CSMD1: variants seen among roughly 807,000 people sequenced by gnomAD.
CSMD1 encodes the protein CUB and sushi domain-containing protein 1.
CSMD1 carries 213 observed loss-of-function variants against 417.5 expected under a neutral mutation model. The observed-to-expected ratio is 0.51, with a 90% CI of 0.46 to 0.57. The LOEUF (loss-of-function observed/expected upper bound fraction) is 0.57. Ranked by LOEUF, CSMD1 falls within the 20% of genes least tolerant of loss-of-function variation. The pLI is 0.00. For synonymous variants in CSMD1, 2,862 were observed against 1,736.8 expected, an observed-to-expected ratio of 1.65 and a Z score of -16.11; for missense variants, 6,923 against 4,529.7, an observed-to-expected ratio of 1.53 and a Z score of -15.17.
intron 3 of CSMD1, among the ~76,000 whole-genome samples, chr8:4,152,231 T>C (rs1796605390): frequency 6.6e-6 from 1 of 152,188 alleles, no homozygotes; most frequent in Admixed American, 6.5e-5. Flanking sequence ...TTCAACATTA[T>C]TCCCACTTTC....
At chr8:3,617,301 A>T (rs1315369428) in intron 7 of CSMD1, among the ~76,000 whole-genome samples, 1 of 152,228 alleles carries the variant, frequency 6.6e-6, no homozygotes, top group Non-Finnish European at 1.5e-5. Flanking sequence ...TTCTTTGTTC[A>T]AATGCACTGA....
chr8:4,278,059 C>G (rs1796583601), intron 3 of CSMD1, among the ~76,000 whole-genome samples: 1 of 152,144 alleles, frequency 6.6e-6, no homozygotes, highest in Non-Finnish European at 1.5e-5. Context: ...CTTTCCCTAA[C>G]TTTAAATACA....
intron 18 of CSMD1, chr8:3,373,352 A>G (rs1252695646): frequency 2.6e-5 from 4 of 152,270 alleles, no homozygotes; most frequent in Non-Finnish European, 2.9e-5. Flanking sequence ...ATCAGGAGAA[A>G]GTCAGACAGA....
At chr8:4,019,344 G>T (rs188416249) in intron 4 of CSMD1, among the ~76,000 whole-genome samples, 4 of 152,272 alleles carry the variant, frequency 2.6e-5, no homozygotes, top group African/African-American at 7.2e-5. Flanking sequence ...ATCTGGGAGG[G>T]AGAGTTTTGT....
At chr8:3,086,439 C>G (rs1201223892) in intron 49 of CSMD1, among the ~76,000 whole-genome samples, 2 of 151,908 alleles carry the variant, frequency 1.3e-5, no homozygotes, top group East Asian at 3.8e-4. Context: ...ATGAAACTGA[C>G]AAAAAAGAGA....
At chr8:4,096,594 G>A (rs1030203430) in intron 3 of CSMD1, among the ~76,000 whole-genome samples, 16 of 152,114 alleles carry the variant, frequency 1.1e-4, no homozygotes, top group Non-Finnish European at 1.6e-4. Flanking sequence ...TCTTAAGTTT[G>A]TATTGTGTAA....
chr8:4,335,270 C>G (rs1007067295), intron 3 of CSMD1, among the ~76,000 whole-genome samples: 1 of 152,028 alleles, frequency 6.6e-6, no homozygotes, highest in Non-Finnish European at 1.5e-5. Flanking sequence ...CTAACCACCT[C>G]CCAAATGCCC....
intron 7 of CSMD1, among the ~76,000 whole-genome samples, chr8:3,621,816 C>A (rs776761115): frequency 1.3e-5 from 2 of 151,262 alleles, no homozygotes; most frequent in Middle Eastern, 3.4e-3. Context: ...ACCATATTGC[C>A]CAGGCTGGTC....
chr8:4,182,005 C>T (rs941857892), intron 3 of CSMD1, among the ~76,000 whole-genome samples: 4 of 147,330 alleles, frequency 2.7e-5, no homozygotes, highest in Non-Finnish European at 6.0e-5. Context: ...TTTTTAAGTA[C>T]ACAGAAACTC....
intron 19 of CSMD1, among the ~76,000 whole-genome samples, 187 bp downstream of exon 19, chr8:3,369,067 T>C (rs1809783805): frequency 6.6e-6 from 1 of 152,168 alleles, no homozygotes; most frequent in Admixed American, 6.5e-5. Flanking sequence ...CGGGGAATGG[T>C]TTTTATTGTA....
intron 3 of CSMD1, among the ~76,000 whole-genome samples, chr8:4,401,724 C>T (rs537871085): frequency 1.3e-5 from 2 of 152,238 alleles, no homozygotes; most frequent in East Asian, 1.9e-4. Flanking sequence ...TGAGAATTCC[C>T]TTAACATTCC....
intron 7 of CSMD1, 26 bp downstream of exon 7, chr8:3,708,388 C>A (rs1563294948): frequency 6.2e-7 from 1 of 1,602,208 alleles, no homozygotes. Context: ...CGTATCAATC[C>A]TCAGATAGAA....
At chr8:4,449,987 C>T (rs78446409) in intron 2 of CSMD1, among the ~76,000 whole-genome samples, 5,901 of 152,266 alleles carry the variant, frequency 0.039, 170 homozygotes, top group East Asian at 0.097. Context: ...CTTTCACTGG[C>T]CCTGTCCTAG....
chr8:3,774,476 G>A (rs986344944), intron 5 of CSMD1, among the ~76,000 whole-genome samples: 1 of 152,132 alleles, frequency 6.6e-6, no homozygotes, highest in Admixed American at 6.5e-5. Flanking sequence ...CTGGCTCATA[G>A]GACAGAGAGA....
intron 5 of CSMD1, among the ~76,000 whole-genome samples, chr8:3,899,320 C>A (rs1220962884): frequency 6.6e-6 from 1 of 152,186 alleles, no homozygotes; most frequent in Non-Finnish European, 1.5e-5. Flanking sequence ...AAAAGAGGTG[C>A]TACTTCAGAG....
At chr8:3,589,945 C>G (rs1424736763) in intron 8 of CSMD1, among the ~76,000 whole-genome samples, 2 of 99,510 alleles carry the variant, frequency 2.0e-5, no homozygotes, top group Admixed American at 2.3e-4. Context: ...TGTTTATCAT[C>G]CAAAATATAG....
intron 12 of CSMD1, among the ~76,000 whole-genome samples, chr8:3,426,284 C>G (rs1410448912): frequency 1.3e-5 from 2 of 152,166 alleles, no homozygotes. Flanking sequence ...TAAATTATTT[C>G]TTGATCATCA....
In CSMD1 at chr8:4,201,461, A is replaced by C. The variant is rs542631129; in HGVS notation, c.416-169362T>G. Among the ~76,000 whole-genome samples the C allele has an allele frequency of 9.4e-5, 13 of 137,576 alleles. 1 individual carries two copies. Among genetic ancestry groups the C allele is most frequent in the African/African-American group, 1.8e-4 (7 of 37,868 alleles). 90.3% of individuals were successfully genotyped at this position (137,576 alleles called of 152,430 possible). On this transcript the variant is annotated intron_variant, in intron 3 of 69. Transcript: ENST00000635120. ...GCTGAGGCAGGAGAATGGCATGAAC[A>C]CGGGAGGCGGAGCTTGCAGTGAGCC...
chr8:4,092,621 A>C (rs1438251931), intron 3 of CSMD1, among the ~76,000 whole-genome samples: 1 of 152,242 alleles, frequency 6.6e-6, no homozygotes, highest in Non-Finnish European at 1.5e-5. Flanking sequence ...TATGAGAAGA[A>C]TGACGTGAAT....
Sources: allele counts gnomAD v4.1 joint callset (sites outside exome capture counted in the v4.1 genomes callset), GRCh38; gene constraint gnomAD v4.1.1; transcripts MANE v1.5; gene names NCBI Gene and HGNC (gene_info 2026-07-23, HGNC 2026-07-21).